The following CDH12 variants were observed in gnomAD, a reference collection of about 807,000 sequenced individuals.
CDH12 encodes the protein cadherin-12.
Under a neutral mutation model 74.1 loss-of-function variants are expected in CDH12, and 41 were observed. The observed-to-expected ratio is 0.55, with a 90% CI of 0.43 to 0.72. The LOEUF is 0.72. CDH12 is among the 30% of genes least tolerant of loss of function. The pLI, the probability that CDH12 is intolerant of heterozygous loss-of-function variation, is 0.00. For missense variants in CDH12, 945 were observed against 977.2 expected, an observed-to-expected ratio of 0.97 and a Z score of 0.44; for synonymous variants, 399 against 355.0, an observed-to-expected ratio of 1.12 and a Z score of -1.39.
chr5:22,177,069 C>T (rs116319658), intron 4 of CDH12, among the ~76,000 whole-genome samples: 6,287 of 152,138 alleles, frequency 0.041, 188 homozygotes, highest in Non-Finnish European at 0.062. Flanking sequence ...TGACATAATA[C>T]GTATTTGTTT....
At chr5:22,175,532 CTAAG>C (rs1214535084) in intron 4 of CDH12, among the ~76,000 whole-genome samples, 1 of 151,744 alleles carries the variant, frequency 6.6e-6, no homozygotes, top group Non-Finnish European at 1.5e-5. Flanking sequence ...TTGAGTTTTC[CTAAG>C]TATCAGAAGG....
chr5:21,895,613 G>A (rs1055407770), intron 6 of CDH12, among the ~76,000 whole-genome samples: 16 of 152,122 alleles, frequency 1.1e-4, no homozygotes, highest in African/African-American at 3.6e-4. Context: ...CTTTCTCAGG[G>A]CTCAGCTCAG....
chr5:22,293,615 T>C (rs1166138997), intron 3 of CDH12, among the ~76,000 whole-genome samples: 3 of 151,726 alleles, frequency 2.0e-5, no homozygotes, highest in South Asian at 2.1e-4. Context: ...GGTACACATA[T>C]ACATATACAC....
intron 6 of CDH12, among the ~76,000 whole-genome samples, chr5:21,922,098 C>A (rs542239140): frequency 6.6e-6 from 1 of 152,180 alleles, no homozygotes; most frequent in African/African-American, 2.4e-5. Context: ...CCTGAGTAAC[C>A]ACTGATTTAC....
chr5:22,727,196 C>A (rs1453067207), intron 1 of CDH12, among the ~76,000 whole-genome samples: 1 of 151,712 alleles, frequency 6.6e-6, no homozygotes, highest in East Asian at 1.9e-4. Flanking sequence ...TTAACAGGAG[C>A]TTGAATAGGT....
At chr5:21,854,249 C>T (rs1054954540) in intron 7 of CDH12, among the ~76,000 whole-genome samples, 1 of 151,572 alleles carries the variant, frequency 6.6e-6, no homozygotes, top group Admixed American at 6.6e-5. Flanking sequence ...TTAATCTAAA[C>T]CAAGCATTAA....
intron 4 of CDH12, among the ~76,000 whole-genome samples, chr5:22,096,128 T>C (rs1743767578): frequency 6.6e-6 from 1 of 151,990 alleles, no homozygotes; most frequent in Non-Finnish European, 1.5e-5. Context: ...TAGCCTGTGC[T>C]CTCAAGAACT....
chr5:22,777,922 T>TC (rs1458881382), intron 1 of CDH12, among the ~76,000 whole-genome samples: 1 of 152,066 alleles, frequency 6.6e-6, no homozygotes, highest in Non-Finnish European at 1.5e-5. Context: ...CAAGCAATTC[T>TC]CCTCCCCCAG....
rs377557595 is a variant in CDH12 at position 22,762,035 on chromosome 5, A to G, written c.-523+91023T>C. ...GAACTTCAAAGTCATAGTTTCCCAG[A>G]GAGAAAAAAATTGTATATTCAGAGA... On this transcript the variant is annotated intron_variant, in intron 1 of 14. Transcript: ENST00000382254. 7.8e-4 allele frequency among the ~76,000 whole-genome samples: 118 copies of G among 152,210 alleles called. 3 individuals are homozygous for G. The South Asian group carries it at 0.022, about 29-fold the overall frequency.
chr5:22,355,126 T>C (rs936525611), intron 3 of CDH12, among the ~76,000 whole-genome samples: 1 of 152,008 alleles, frequency 6.6e-6, no homozygotes, highest in African/African-American at 2.4e-5. Flanking sequence ...TAATTTCATT[T>C]TTATAAATGA....
Position 22,107,820 on chromosome 5 carries a change from A to G in CDH12, c.-186-28958T>C, listed in dbSNP as rs139429378. Among the ~76,000 whole-genome samples, 84 of 152,240 alleles carry G rather than the reference A, an allele frequency of 5.5e-4. No homozygotes were observed. In the Middle Eastern group the frequency reaches 0.02, roughly 37 times the overall value. ...GATACACACGAAGATTTTTATCATT[A>G]TATTTTTTGTTGTAACAAATAGAAG... On this transcript the variant is annotated intron_variant, in intron 4 of 14. Coordinates refer to ENST00000382254, the MANE Select transcript of CDH12 (RefSeq NM_004061.5).
At chr5:22,208,272 A>G (rs1223264699) in intron 4 of CDH12, among the ~76,000 whole-genome samples, 1 of 152,164 alleles carries the variant, frequency 6.6e-6, no homozygotes, top group Non-Finnish European at 1.5e-5. Context: ...CTAAAACTAC[A>G]GAGAAAAATG....
chr5:22,254,074 G>GA (rs1343792190), intron 3 of CDH12, among the ~76,000 whole-genome samples: 1 of 151,798 alleles, frequency 6.6e-6, no homozygotes, highest in Non-Finnish European at 1.5e-5. Context: ...CTCTTTTCAA[G>GA]AGAGTCAAAT....
chr5:22,565,617 C>G (rs1253789897), intron 1 of CDH12, among the ~76,000 whole-genome samples: 1 of 152,050 alleles, frequency 6.6e-6, no homozygotes, highest in African/African-American at 2.4e-5. Context: ...AGAGAAGTCA[C>G]AAAGAGCCCT....
intron 3 of CDH12, among the ~76,000 whole-genome samples, chr5:22,262,450 A>T (rs543227316): frequency 7.9e-4 from 120 of 151,932 alleles, no homozygotes; most frequent in African/African-American, 2.3e-3. Context: ...ACGTGAACTC[A>T]TTTTTTATGG....
At chr5:22,258,366 T>C (rs1455847202) in intron 3 of CDH12, among the ~76,000 whole-genome samples, 1 of 152,058 alleles carries the variant, frequency 6.6e-6, no homozygotes, top group Non-Finnish European at 1.5e-5. Flanking sequence ...CGATGCTCTG[T>C]GGAGTTCAGA....
chr5:22,732,258 C>T (rs1358545704), intron 1 of CDH12, among the ~76,000 whole-genome samples: 2 of 151,716 alleles, frequency 1.3e-5, no homozygotes, highest in Non-Finnish European at 2.9e-5. Context: ...ATATCTTTGT[C>T]CTAATCTCCA....
At chr5:22,386,723 T>C (rs1030760330) in intron 3 of CDH12, among the ~76,000 whole-genome samples, 11 of 152,044 alleles carry the variant, frequency 7.2e-5, no homozygotes, top group African/African-American at 2.2e-4. Flanking sequence ...GAATATTTTG[T>C]CTATTGTTCA....
intron 3 of CDH12, among the ~76,000 whole-genome samples, chr5:22,331,643 C>T (rs1017447329): frequency 5.3e-5 from 8 of 152,110 alleles, no homozygotes; most frequent in African/African-American, 1.9e-4. Context: ...TAAAACATGA[C>T]CTCACCAAAT....
Sources: allele counts gnomAD v4.1 joint callset (sites outside exome capture counted in the v4.1 genomes callset), GRCh38; gene constraint gnomAD v4.1.1; transcripts MANE v1.5; gene names NCBI Gene and HGNC (gene_info 2026-07-23, HGNC 2026-07-21).